UNC5B: variants seen among roughly 807,000 people sequenced by gnomAD.
UNC5B encodes netrin receptor UNC5B.
UNC5B carries 56 observed loss-of-function variants against 103.7 expected under a neutral mutation model. The observed-to-expected ratio is 0.54, with a 90% CI of 0.44 to 0.67. UNC5B has a LOEUF of 0.67. Among genes scored for constraint, UNC5B ranks in the 30% least tolerant of loss-of-function variants. The pLI, the probability that UNC5B is intolerant of heterozygous loss-of-function variation, is 0.00. For synonymous variants in UNC5B, 577 were observed against 542.0 expected, an observed-to-expected ratio of 1.06 and a Z score of -0.90; for missense variants, 1,194 against 1,284.5, an observed-to-expected ratio of 0.93 and a Z score of 1.08.
intron 1 of UNC5B, among the ~76,000 whole-genome samples, chr10:71,248,413 G>A (rs556963346): frequency 1.9e-5 from 2 of 107,118 alleles, no homozygotes; most frequent in East Asian, 8.6e-4. Flanking sequence ...GCAGGGAGAA[G>A]GGGGGCCCAC....
chr10:71,297,084 G>T (rs1845460338), intron 15 of UNC5B, among the ~76,000 whole-genome samples: 1 of 152,244 alleles, frequency 6.6e-6, no homozygotes, highest in South Asian at 2.1e-4. Context: ...CACCACGCTG[G>T]TGGAGGTGAG....
chr10:71,277,681 A>G (rs1027125270), intron 1 of UNC5B, among the ~76,000 whole-genome samples: 6 of 152,208 alleles, frequency 3.9e-5, no homozygotes, highest in African/African-American at 1.2e-4. Flanking sequence ...CAGTTTGCCT[A>G]TAGTGAATGT....
At chr10:71,289,819 CA>C in intron 8 of UNC5B, among the ~76,000 whole-genome samples, 1 of 152,312 alleles carries the variant, frequency 6.6e-6, no homozygotes, top group Non-Finnish European at 1.5e-5. Flanking sequence ...AGGAGAGATA[CA>C]GGGGGACAGA....
intron 2 of UNC5B, among the ~76,000 whole-genome samples, chr10:71,283,388 A>G (rs1424301256): frequency 6.6e-6 from 1 of 152,214 alleles, no homozygotes; most frequent in African/African-American, 2.4e-5. Context: ...AGAGTTTACT[A>G]TGATGAGGGA....
At chr10:71,292,376 C>A in intron 10 of UNC5B, 91 bp from the exon 11 acceptor site, 3 of 1,144,730 alleles carry the variant, frequency 2.6e-6, no homozygotes, top group South Asian at 2.8e-5. Flanking sequence ...CAGGAGATAT[C>A]TTTCTCTCCC....
At chr10:71,283,342 G>A (rs896867417) in intron 2 of UNC5B, among the ~76,000 whole-genome samples, 8 of 152,166 alleles carry the variant, frequency 5.3e-5, no homozygotes, top group Non-Finnish European at 7.3e-5. Flanking sequence ...GCGCTGTGGC[G>A]GAGTAGTCAC....
chr10:71,285,573 A>G (rs987168700), intron 4 of UNC5B, 144 bp downstream of exon 4: 2 of 756,678 alleles, frequency 2.6e-6, no homozygotes, highest in Admixed American at 2.9e-5. Context: ...CTTAGCACAG[A>G]GAAGAGAACT....
At chr10:71,221,161 C>A (rs1226439792) in intron 1 of UNC5B, among the ~76,000 whole-genome samples, 1 of 152,158 alleles carries the variant, frequency 6.6e-6, no homozygotes, top group Admixed American at 6.5e-5. Context: ...TCTCTCTCAC[C>A]GAAGCCATAA....
intron 1 of UNC5B, among the ~76,000 whole-genome samples, chr10:71,231,306 C>T (rs1361949755): frequency 6.6e-6 from 1 of 152,280 alleles, no homozygotes; most frequent in South Asian, 2.1e-4. Context: ...TTGCTAGAGT[C>T]GTCATTTCAC....
intron 1 of UNC5B, among the ~76,000 whole-genome samples, chr10:71,236,472 C>T (rs1843776374): frequency 6.6e-6 from 1 of 152,174 alleles, no homozygotes; most frequent in African/African-American, 2.4e-5. Context: ...GATTCCTGAG[C>T]CCCCCTTCAG....
intron 1 of UNC5B, among the ~76,000 whole-genome samples, chr10:71,264,045 T>C (rs1159916822): frequency 6.6e-6 from 1 of 152,198 alleles, no homozygotes; most frequent in Non-Finnish European, 1.5e-5. Flanking sequence ...AAAATAACTC[T>C]TTATCCTTTC....
chr10:71,292,094 A>G (rs543526233), intron 10 of UNC5B, among the ~76,000 whole-genome samples: 1 of 152,330 alleles, frequency 6.6e-6, no homozygotes, highest in African/African-American at 2.4e-5. Context: ...GAATATTCCA[A>G]CGTAGTTCAG....
intron 1 of UNC5B, among the ~76,000 whole-genome samples, chr10:71,276,801 T>C (rs1023214398): frequency 6.6e-6 from 1 of 152,242 alleles, no homozygotes; most frequent in Non-Finnish European, 1.5e-5. Flanking sequence ...CCACTCATGG[T>C]CCCTCCAGGC....
intron 1 of UNC5B, among the ~76,000 whole-genome samples, chr10:71,257,633 C>T (rs988869503): frequency 2.0e-5 from 3 of 152,202 alleles, no homozygotes; most frequent in Non-Finnish European, 2.9e-5. Flanking sequence ...GAATTCTCAC[C>T]GTGGAGAGAT....
chr10:71,260,763 G>C (rs1279537226), intron 1 of UNC5B, among the ~76,000 whole-genome samples: 8 of 152,234 alleles, frequency 5.3e-5, no homozygotes, highest in Admixed American at 5.2e-4. Flanking sequence ...GGAGGAGGAG[G>C]TAGCAAGGAG....
At chr10:71,228,378 T>C (rs1462925548) in intron 1 of UNC5B, among the ~76,000 whole-genome samples, 1 of 150,008 alleles carries the variant, frequency 6.7e-6, no homozygotes, top group African/African-American at 2.5e-5. Context: ...ATTTTTAAAT[T>C]TTCGACAAAA....
chr10:71,288,491 T>C, intron 6 of UNC5B, 77 bp from the exon 7 acceptor site: 1 of 1,532,740 alleles, frequency 6.5e-7, no homozygotes. Context: ...TGTTGGCACA[T>C]TGCTCTGTTC....
At chr10:71,256,795 T>C (rs904533655) in intron 1 of UNC5B, among the ~76,000 whole-genome samples, 2 of 152,094 alleles carry the variant, frequency 1.3e-5, no homozygotes, top group Non-Finnish European at 2.9e-5. Context: ...CCCTCAATGA[T>C]AGATGGGGAA....
chr10:71,299,497 T>G lies in UNC5B; in HGVS notation c.*220T>G, dbSNP rs1676585448. On this transcript the variant is annotated 3_prime_UTR_variant, in exon 17 of 17. Transcript: ENST00000335350. ...CAGAGTTCCTTCTCCACCCCCGCTCTCTCTCTCTTGGCCTGAGATCTCTGT... is the reference window on the plus strand; with the variant it reads ...CAGAGTTCCTTCTCCACCCCCGCTCGCTCTCTCTTGGCCTGAGATCTCTGT... 1 of 546,938 alleles carries G rather than the reference T, an allele frequency of 1.8e-6. No individual in the cohort carries two copies. The highest frequency in any genetic ancestry group is 2.3e-5 in the South Asian group (1 of 43,732). 33.9% of individuals were successfully genotyped at this position (546,938 alleles called of 1,614,324 possible). A position where few individuals can be genotyped will look rare whatever the true frequency, so the allele number is the denominator to read the frequency against.
Sources: gnomAD v4.1 joint callset for allele counts (sites outside exome capture counted in the v4.1 genomes callset) on GRCh38, gnomAD v4.1.1 for gene constraint, MANE v1.5 for transcripts, NCBI Gene and HGNC (gene_info 2026-07-23, HGNC 2026-07-21) for gene names.